ARID1B: variants seen among roughly 807,000 people sequenced by gnomAD.
ARID1B encodes AT-rich interaction domain 1B.
A neutral mutation model predicts 212.3 loss-of-function variants in ARID1B; 30 were observed. That is an observed-to-expected ratio of 0.14 (90% CI 0.11 to 0.19). ARID1B has a LOEUF of 0.19. Ranked by LOEUF, ARID1B falls within the 10% of genes least tolerant of loss-of-function variation. ARID1B has a pLI of 1.00. For synonymous variants in ARID1B, 1,402 were observed against 1,301.7 expected (o/e 1.08, Z -1.66); for missense variants, 2,891 against 3,204.0 (o/e 0.90, Z 2.36).
At chr6:157,129,981 C>A (rs1230888235) in intron 6 of ARID1B, among the ~76,000 whole-genome samples, 1 of 152,054 alleles carries the variant, frequency 6.6e-6, no homozygotes, top group Non-Finnish European at 1.5e-5. Flanking sequence ...CCAGCCTGGC[C>A]AACATGGTGA....
At chr6:156,781,582 C>CT (rs1229626035) in intron 1 of ARID1B, among the ~76,000 whole-genome samples, 1 of 152,074 alleles carries the variant, frequency 6.6e-6, no homozygotes, top group Admixed American at 6.5e-5. Context: ...AACAAATAAT[C>CT]TTGTGAATCC....
chr6:156,982,603 A>G (rs1396160328), intron 4 of ARID1B, among the ~76,000 whole-genome samples: 1 of 151,406 alleles, frequency 6.6e-6, no homozygotes, highest in Non-Finnish European at 1.5e-5. Context: ...TCTTTCCTTC[A>G]CTGATTTTTC....
At chr6:157,202,515 C>G (rs1009966541) in intron 18 of ARID1B, among the ~76,000 whole-genome samples, 1 of 151,948 alleles carries the variant, frequency 6.6e-6, no homozygotes, top group Non-Finnish European at 1.5e-5. Flanking sequence ...AGCAAAACCT[C>G]GTCTCTACTA....
intron 4 of ARID1B, chr6:157,071,728 T>C (rs1401771986): frequency 6.6e-6 from 1 of 152,244 alleles, no homozygotes; most frequent in Admixed American, 6.5e-5. Context: ...GATAGGCATG[T>C]GACTTCTGTT....
At chr6:156,833,308 C>G (rs1783273059) in intron 2 of ARID1B, among the ~76,000 whole-genome samples, 1 of 152,016 alleles carries the variant, frequency 6.6e-6, no homozygotes, top group East Asian at 1.9e-4. Flanking sequence ...CCTTCGTGAT[C>G]ATAAATGTAC....
At chr6:156,797,062 A>T (rs1780431759) in intron 1 of ARID1B, among the ~76,000 whole-genome samples, 1 of 152,244 alleles carries the variant, frequency 6.6e-6, no homozygotes, top group South Asian at 2.1e-4. Context: ...AGCAGCTGCC[A>T]GATACCATGC....
At chr6:157,174,816 C>A in intron 10 of ARID1B, 31 bp from the exon 11 acceptor site, 1 of 1,393,724 alleles carries the variant, frequency 7.2e-7, no homozygotes, top group Admixed American at 2.3e-5. Flanking sequence ...CTACCTTTGT[C>A]ATTTTTTTTT....
At chr6:156,889,489 G>C (rs574524201) in intron 2 of ARID1B, among the ~76,000 whole-genome samples, 28 of 152,212 alleles carry the variant, frequency 1.8e-4, no homozygotes, top group Non-Finnish European at 3.4e-4. Context: ...GGAAGCATTT[G>C]ACTGCCAGTG....
chr6:157,107,936 G>T (rs1406481311), intron 5 of ARID1B: 1 of 152,134 alleles, frequency 6.6e-6, no homozygotes, highest in Non-Finnish European at 1.5e-5. Context: ...ATGGGCCAAG[G>T]ACACAAATGA....
chr6:157,079,405 T>C (rs1784499964), intron 4 of ARID1B, among the ~76,000 whole-genome samples: 1 of 152,222 alleles, frequency 6.6e-6, no homozygotes, highest in Non-Finnish European at 1.5e-5. Context: ...TGTGAGAATT[T>C]TCCTTTTGTG....
At chr6:157,077,389 CT>C (rs966010037) in intron 4 of ARID1B, among the ~76,000 whole-genome samples, 2 of 152,184 alleles carry the variant, frequency 1.3e-5, no homozygotes, top group Non-Finnish European at 2.9e-5. Flanking sequence ...ATGTAGGCCC[CT>C]GTTCCTTGGC....
Position 157,207,363 on chromosome 6 carries a change from G to A in ARID1B, c.6591G>A (p.Ser2197=), listed in dbSNP as rs373301793. The A allele has an allele frequency of 2.0e-5, 32 of 1,614,160 alleles. No individual in the cohort carries two copies. The highest frequency in any genetic ancestry group is 1.3e-4 in the South Asian group (12 of 91,080). Residue 2197 remains serine, a synonymous_variant, in exon 20 of 20, where the codon TCG becomes TCA. Coordinates refer to ENST00000636930, the MANE Select transcript of ARID1B (RefSeq NM_001374828.1). The surrounding 1 kb of genome is among the most constrained non-coding windows in gnomAD (Gnocchi z 8.5). ...CCTTTCCAACTGTGGGACCCAACTC[G>A]GTCCTGTCGCCTCAGAGACTTGTGC... ...QDPFPTVGPN[S]VLSPQRLVLE... is the part of the protein sequence containing the mutation.
In ARID1B at chr6:157,018,723, C is replaced by T. The variant is rs377757197; in HGVS notation, c.2248-65939C>T. On this transcript the variant is annotated intron_variant, in intron 4 of 19. Coordinates refer to ENST00000636930, the MANE Select transcript of ARID1B (RefSeq NM_001374828.1). Reference sequence around the variant, plus strand: ...AGTAGCTAAATTAATCTGTAGCAAACTTTTCTATGGATTTTTGCAGGTGGG... The same window carrying T: ...AGTAGCTAAATTAATCTGTAGCAAATTTTTCTATGGATTTTTGCAGGTGGG... Among the ~76,000 whole-genome samples, 9 of 152,242 alleles carry T rather than the reference C, an allele frequency of 5.9e-5. No individual in the cohort carries two copies. The East Asian group carries it at 1.4e-3, about 23-fold the overall frequency.
At chr6:157,084,980 ATTACT>A (rs774825627) in intron 5 of ARID1B, 75 bp downstream of exon 5, 147 of 1,509,348 alleles carry the variant, frequency 9.7e-5, no homozygotes, top group Non-Finnish European at 1.1e-4. Context: ...AGTAACTCAC[ATTACT>A]TTACTATTTA....
At chr6:157,162,347 A>T (rs1790999410) in intron 8 of ARID1B, among the ~76,000 whole-genome samples, 2 of 152,348 alleles carry the variant, frequency 1.3e-5, no homozygotes, top group South Asian at 2.1e-4. Flanking sequence ...CTGTTTTCAC[A>T]CTGAACCATT....
At chr6:156,944,996 C>G (rs903957702) in intron 4 of ARID1B, among the ~76,000 whole-genome samples, 1 of 148,518 alleles carries the variant, frequency 6.7e-6, no homozygotes, top group Non-Finnish European at 1.5e-5. Flanking sequence ...GATCTCGGCT[C>G]ACTGCAACCT....
In ARID1B at chr6:156,959,125, C is replaced by T. The variant is rs373769534; in HGVS notation, c.2247+23549C>T. 7.9e-5 allele frequency among the ~76,000 whole-genome samples: 12 copies of T among 152,064 alleles called. No individual in the cohort carries two copies. In the South Asian group the frequency reaches 1.2e-3, roughly 16 times the overall value. ...AAATGTTTTCCTCTATTGGGAAGAC[C>T]ACTTGGCTTGTGTTCTTTTTAATGG... On this transcript the variant is annotated intron_variant, in intron 4 of 19. Coordinates refer to ENST00000636930, the MANE Select transcript of ARID1B (RefSeq NM_001374828.1).
At chr6:156,834,560 A>G (rs1218968231) in intron 2 of ARID1B, among the ~76,000 whole-genome samples, 1 of 152,226 alleles carries the variant, frequency 6.6e-6, no homozygotes, top group African/African-American at 2.4e-5. Context: ...ATATTTGTAG[A>G]TATACATATA....
At chr6:157,027,274 G>A (rs1780720542) in intron 4 of ARID1B, among the ~76,000 whole-genome samples, 1 of 152,162 alleles carries the variant, frequency 6.6e-6, no homozygotes, top group Non-Finnish European at 1.5e-5. Flanking sequence ...TTAAATTTCA[G>A]TATACCTAAT....
Sources: gnomAD v4.1 joint callset for allele counts (sites outside exome capture counted in the v4.1 genomes callset) on GRCh38, gnomAD v4.1.1 for gene constraint, Gnocchi (gnomAD v3.1) non-coding constraint, MANE v1.5 for transcripts, NCBI Gene and HGNC (gene_info 2026-07-23, HGNC 2026-07-21) for gene names.